The following PTPRM variants were observed in gnomAD, a reference collection of about 807,000 sequenced individuals.
The protein encoded by PTPRM is protein tyrosine phosphatase receptor type M, also known as receptor-type tyrosine-protein phosphatase mu.
Under a neutral mutation model 186.7 loss-of-function variants are expected in PTPRM, and 47 were observed. The ratio of observed to expected loss-of-function variants is 0.25; its 90% CI spans 0.20 to 0.32. The LOEUF (loss-of-function observed/expected upper bound fraction) is 0.32, where lower values mean the gene tolerates loss of function less well. PTPRM is among the 10% of genes least tolerant of loss of function. PTPRM has a pLI of 1.00. For missense variants in PTPRM, 1,494 were observed against 1,865.0 expected (o/e 0.80, Z 3.66); for synonymous variants, 668 against 674.9 (o/e 0.99, Z 0.16).
chr18:7,592,762 C>G (rs1185375550), intron 1 of PTPRM, among the ~76,000 whole-genome samples: 1 of 152,136 alleles, frequency 6.6e-6, no homozygotes, highest in Non-Finnish European at 1.5e-5. Context: ...CAAGAAAGAG[C>G]AACATTCCCA....
intron 23 of PTPRM, among the ~76,000 whole-genome samples, chr18:8,346,604 G>GTCCATAACAGC (rs1359247430): frequency 2.0e-5 from 3 of 152,120 alleles, no homozygotes; most frequent in African/African-American, 7.2e-5. Context: ...ATAACAGCCT[G>GTCCATAACAGC]CTTAATGGGG....
chr18:7,698,318 T>C (rs2039887159), intron 1 of PTPRM, among the ~76,000 whole-genome samples: 1 of 152,186 alleles, frequency 6.6e-6, no homozygotes, highest in African/African-American at 2.4e-5. Flanking sequence ...CCATTACTTG[T>C]TTTTTTCCTG....
At chr18:8,314,695 A>G (rs2095295384) in intron 20 of PTPRM, 86 bp from the exon 21 acceptor site, 1 of 852,930 alleles carries the variant, frequency 1.2e-6, no homozygotes, top group South Asian at 1.5e-5. Flanking sequence ...GGTGATCTCT[A>G]TGTAATATGC....
At chr18:8,346,708 C>T (rs149300110) in intron 23 of PTPRM, among the ~76,000 whole-genome samples, 2,445 of 152,174 alleles carry the variant, frequency 0.016, 233 homozygotes, top group Admixed American at 0.15. Context: ...TTAGTGTAAC[C>T]GTAGGTTTCC....
chr18:8,319,227 C>T lies in PTPRM; in HGVS notation c.2956+13C>T, dbSNP rs1308770310. On this transcript the variant is annotated intron_variant, in intron 22 of 32. Coordinates refer to ENST00000580170, the MANE Select transcript of PTPRM (RefSeq NM_001105244.2). ...ATTGCTACCCAAGGTAAGTTTATTT[C>T]TACTTTGTTGTCTTTCTTTGTTTCT... 6.4e-7 allele frequency: 1 copy of T among 1,550,602 alleles called. No individual in the cohort carries two copies. The highest frequency in any genetic ancestry group is 8.9e-7 in the Non-Finnish European group (1 of 1,127,332).
chr18:8,159,872 T>A (rs1268264392), intron 14 of PTPRM, among the ~76,000 whole-genome samples: 1 of 152,188 alleles, frequency 6.6e-6, no homozygotes, highest in Admixed American at 6.5e-5. Flanking sequence ...AAAAAAAAAA[T>A]TTCAGGGATG....
chr18:7,574,893 G>C (rs755687454), intron 1 of PTPRM, among the ~76,000 whole-genome samples: 1 of 152,168 alleles, frequency 6.6e-6, no homozygotes, highest in Non-Finnish European at 1.5e-5. Flanking sequence ...TTAGCCGGGC[G>C]TGTTGGTGGG....
At chr18:7,710,934 G>A (rs2040198745) in intron 1 of PTPRM, among the ~76,000 whole-genome samples, 1 of 152,140 alleles carries the variant, frequency 6.6e-6, no homozygotes. Context: ...CCATGCTCAT[G>A]GATGGGTAGA....
chr18:8,275,656 C>T (rs186113258), intron 19 of PTPRM, among the ~76,000 whole-genome samples: 9 of 152,320 alleles, frequency 5.9e-5, no homozygotes, highest in East Asian at 1.9e-4. Flanking sequence ...TCTGCTGAAC[C>T]TCTCAAAACC....
intron 2 of PTPRM, among the ~76,000 whole-genome samples, chr18:7,795,448 G>T (rs1360451212): frequency 6.8e-6 from 1 of 147,092 alleles, no homozygotes. Flanking sequence ...GTTTATAGAA[G>T]AAATTAATTG....
intron 1 of PTPRM, among the ~76,000 whole-genome samples, chr18:7,645,362 C>T (rs2038536533): frequency 6.6e-6 from 1 of 152,052 alleles, no homozygotes; most frequent in Non-Finnish European, 1.5e-5. Context: ...TCAACAATTC[C>T]AGGAAAATCC....
chr18:7,981,310 A>G (rs550906188), intron 7 of PTPRM, among the ~76,000 whole-genome samples: 20 of 152,218 alleles, frequency 1.3e-4, no homozygotes, highest in Middle Eastern at 3.4e-3. Context: ...GAAGCCTGAA[A>G]TCTTCAGGAA....
At chr18:7,642,209 G>A (rs144353015) in intron 1 of PTPRM, among the ~76,000 whole-genome samples, 282 of 152,276 alleles carry the variant, frequency 1.9e-3, no homozygotes, top group Admixed American at 3.7e-3. Context: ...CTTGTGAGAC[G>A]TGTTTTAGGC....
intron 7 of PTPRM, among the ~76,000 whole-genome samples, chr18:8,054,706 T>C (rs918001618): frequency 2.0e-5 from 3 of 152,054 alleles, no homozygotes; most frequent in Non-Finnish European, 4.4e-5. Context: ...AGTATTGTTA[T>C]TTTACAAACA....
At chr18:7,727,659 C>T (rs976561590) in intron 1 of PTPRM, among the ~76,000 whole-genome samples, 6 of 152,142 alleles carry the variant, frequency 3.9e-5, no homozygotes, top group African/African-American at 1.4e-4. Flanking sequence ...TCATTTCTCC[C>T]AAATTTGGAT....
intron 19 of PTPRM, among the ~76,000 whole-genome samples, chr18:8,273,276 A>G (rs924883555): frequency 6.6e-6 from 1 of 152,114 alleles, no homozygotes; most frequent in Non-Finnish European, 1.5e-5. Flanking sequence ...CCCCCACCCT[A>G]CCTTTTCTTC....
In PTPRM at chr18:8,237,617, T is replaced by A. The variant is rs535230977; in HGVS notation, c.2301-6441T>A. 4.6e-5 allele frequency among the ~76,000 whole-genome samples: 7 copies of A among 152,028 alleles called. No homozygotes were observed. The East Asian group carries it at 1.4e-3, about 30-fold the overall frequency. On this transcript the variant is annotated intron_variant, in intron 14 of 32. Transcript: ENST00000580170. ...GCATGCGCCACCATGCCCGGCTAATTGTATTTTTAGTAGAGATGGGGTTTC... is the reference window on the plus strand; with the variant it reads ...GCATGCGCCACCATGCCCGGCTAATAGTATTTTTAGTAGAGATGGGGTTTC...
chr18:8,157,820 G>A (rs899762374), intron 14 of PTPRM, among the ~76,000 whole-genome samples: 1 of 152,206 alleles, frequency 6.6e-6, no homozygotes, highest in African/African-American at 2.4e-5. Flanking sequence ...AATACTTTGG[G>A]TATTAAAACC....
rs2085243885 is a variant in PTPRM, at chr18:8,021,642, T to C, written c.1133-48044T>C. 2.0e-5 allele frequency among the ~76,000 whole-genome samples: 3 copies of C among 152,280 alleles called. No individual in the cohort carries two copies. The South Asian group carries it at 6.2e-4, about 32-fold the overall frequency. ...GTGTTTGGTTTTCTGTTCCTGTGTG[T>C]GTTTGCTGAGGTTGCTGGCTTCCAT... is the stretch of plus-strand genomic sequence containing the variant. On this transcript the variant is annotated intron_variant, in intron 7 of 32. Coordinates refer to ENST00000580170, the MANE Select transcript of PTPRM (RefSeq NM_001105244.2).
Sources: gnomAD v4.1 joint callset for allele counts (sites outside exome capture counted in the v4.1 genomes callset) on GRCh38, gnomAD v4.1.1 for gene constraint, MANE v1.5 for transcripts, NCBI Gene and HGNC (gene_info 2026-07-23, HGNC 2026-07-21) for gene names.